Variants in MIA3 observed in about 807,000 individuals in gnomAD.
MIA3 encodes the protein MIA SH3 domain ER export factor 3, also known as transport and Golgi organization protein 1 homolog.
MIA3 carries 90 observed loss-of-function variants against 192.4 expected under a neutral mutation model. That is an observed-to-expected ratio of 0.47 (90% CI 0.39 to 0.56). MIA3 has a LOEUF of 0.56. Ranked by LOEUF, MIA3 falls within the 20% of genes least tolerant of loss-of-function variation. The pLI, the probability that MIA3 is intolerant of heterozygous loss-of-function variation, is 0.00. For missense variants in MIA3, 2,123 were observed against 2,269.4 expected (o/e 0.94, Z 1.31); for synonymous variants, 740 against 792.8 (o/e 0.93, Z 1.12).
chr1:222,656,513 T>A (rs928223578), intron 18 of MIA3, among the ~76,000 whole-genome samples: 2 of 152,132 alleles, frequency 1.3e-5, no homozygotes, highest in Admixed American at 1.3e-4. Context: ...CTGCCTTTCG[T>A]CATTTTCTTT....
Position 222,660,449 on chromosome 1 carries a change from GATTCAACTGCAAGT to G in MIA3, c.5113+149_5113+162del, listed in dbSNP as rs1663955081. On this transcript the variant is annotated intron_variant, in intron 24 of 27. Transcript: ENST00000344922. ...GAAAATTTCTTAATTTGTCTTGGTGGATTCAACTGCAAGTATTCAACTGCAAGATTTGCTTTAGA... is the reference window on the plus strand; with the variant it reads ...GAAAATTTCTTAATTTGTCTTGGTGGATTCAACTGCAAGATTTGCTTTAGA... 8.8e-6 allele frequency: 6 copies of G among 683,222 alleles called. No homozygotes were observed. The East Asian group carries it at 1.6e-4, about 18-fold the overall frequency. The allele number at this position is 683,222 out of a possible 1,614,324, so 42.3% of individuals were successfully genotyped here.
At position 222,652,269 on chromosome 1, in the gene MIA3, G is replaced by A. The variant is rs1234445743; in HGVS notation, c.4023G>A (p.Lys1341=). 6.2e-7 allele frequency: 1 copy of A among 1,613,764 alleles called. No homozygotes were observed. Among genetic ancestry groups the A allele is most frequent in the Admixed American group, 1.7e-5 (1 of 59,996 alleles). ...ALNEAKLSEE[K]VKSECHRVQE... is the part of the protein sequence containing the mutation. ...ATGAAGCTAAGCTTAGTGAAGAGAAGGTGAAGTCTGAATGCCATCGGGTTC... is the reference window on the plus strand; with the variant it reads ...ATGAAGCTAAGCTTAGTGAAGAGAAAGTGAAGTCTGAATGCCATCGGGTTC... Residue 1341 remains lysine (K), a synonymous_variant, in exon 13 of 28, where the codon AAG becomes AAA. Transcript: ENST00000344922.
At chr1:222,644,772 TC>T (rs1288383438) in intron 6 of MIA3, among the ~76,000 whole-genome samples, 1 of 146,802 alleles carries the variant, frequency 6.8e-6, no homozygotes, top group Non-Finnish European at 1.5e-5. Flanking sequence ...GTTTCGTCAC[TC>T]TTTTTTTTTT....
In MIA3 at chr1:222,628,757, G is replaced by T. The variant is rs1454057022; in HGVS notation, c.1537G>T (p.Gly513Cys). ...CAACTCTATGCCAGCTGCTGAAAAG[G>T]GTAAAGACACATTAAAATCAGCTTA... is the stretch of plus-strand genomic sequence containing the variant. ...NLNSMPAAEK[G>C]KDTLKSAYDD... Residue 513 changes from glycine to cysteine, a missense_variant, in exon 4 of 28, where the codon GGT becomes TGT. Gly to Cys is a radical substitution (Grantham distance 159). Transcript: ENST00000344922. The T allele has an allele frequency of 1.9e-6, 3 of 1,613,952 alleles. No individual in the cohort carries two copies. Among genetic ancestry groups the T allele is most frequent in the Admixed American group, 3.3e-5 (2 of 60,002 alleles).
At chr1:222,655,358 C>T (rs746320604) in intron 18 of MIA3, among the ~76,000 whole-genome samples, 13 of 152,102 alleles carry the variant, frequency 8.5e-5, no homozygotes, top group Non-Finnish European at 1.6e-4. Flanking sequence ...TCTCAAATTT[C>T]GAGCGAGGTA....
Position 222,645,706 on chromosome 1 carries a change from T to G in MIA3, c.3609+21T>G, listed in dbSNP as rs528060320. ...TTGTTGTGAGTAAATTAATGCATAC[T>G]TTAACTCATAAATTCAAGTATGGTT... On this transcript the variant is annotated intron_variant, in intron 7 of 27. Coordinates refer to ENST00000344922, the MANE Select transcript of MIA3 (RefSeq NM_198551.4). 3.7e-5 allele frequency: 60 copies of G among 1,602,790 alleles called. No homozygotes were observed. In the South Asian group the frequency reaches 6.6e-4, roughly 18 times the overall value.
chr1:222,659,077 T>A (rs1663877606), intron 19 of MIA3: 1 of 436,370 alleles, frequency 2.3e-6, no homozygotes, highest in African/African-American at 2.0e-5. Context: ...ATATGATGTA[T>A]CAAAAGCCAT....
intron 11 of MIA3, 54 bp downstream of exon 11, chr1:222,650,957 T>A: frequency 9.6e-7 from 1 of 1,037,902 alleles, no homozygotes; most frequent in Non-Finnish European, 1.5e-6. Flanking sequence ...AACTCTTTTG[T>A]AGATTGAGTT....
At chr1:222,641,486 G>A (rs1662849718) in intron 6 of MIA3, 1 of 499,640 alleles carries the variant, frequency 2.0e-6, no homozygotes, top group Non-Finnish European at 4.0e-6. Flanking sequence ...TCATTTCCAT[G>A]ACAGCATGGT....
intron 3 of MIA3, 62 bp from the exon 4 acceptor site, chr1:222,627,513 A>C: frequency 7.5e-7 from 1 of 1,339,670 alleles, no homozygotes; most frequent in Non-Finnish European, 1.0e-6. Context: ...ATTAACGTGG[A>C]TAAGACTTTG....
intron 18 of MIA3, 88 bp downstream of exon 18, chr1:222,654,881 A>T (rs1663634910): frequency 2.6e-5 from 31 of 1,173,220 alleles, no homozygotes; most frequent in Non-Finnish European, 3.2e-5. Flanking sequence ...GTTTTTCAGG[A>T]TTGTACTCTT....
In MIA3 at chr1:222,645,699, T is replaced by C. The variant is rs1365711969; in HGVS notation, c.3609+14T>C. On this transcript the variant is annotated intron_variant, in intron 7 of 27. Transcript: ENST00000344922. ...ACTGTCCTTGTTGTGAGTAAATTAATGCATACTTTAACTCATAAATTCAAG... is the reference window on the plus strand; with the variant it reads ...ACTGTCCTTGTTGTGAGTAAATTAACGCATACTTTAACTCATAAATTCAAG... The C allele has an allele frequency of 6.2e-7, 1 of 1,610,248 alleles. No homozygotes were observed. Among genetic ancestry groups the C allele is most frequent in the Non-Finnish European group, 8.5e-7 (1 of 1,177,838 alleles).
Position 222,650,303 on chromosome 1 carries a change from C to G in MIA3, c.3643C>G (p.Gln1215Glu), listed in dbSNP as rs1663358175. ...TTTTCTTTTTTCAGTCACGGAACAG[C>G]AAATTTCTGAGAAGTTGAAGACTAT... ...KDRVYQVTEQ[Q>E]ISEKLKTIMK... The change falls in exon 9 of 28, where the codon CAA (glutamine) becomes GAA (glutamate). Residue 1215 changes from glutamine to glutamate, a missense_variant. Gln to Glu is a conservative substitution (Grantham distance 29). This residue lies in a region of MIA3 where 762 missense variants were observed against 856.4 expected (regional missense o/e 0.89). Transcript: ENST00000344922. 1 of 1,602,534 alleles carries G rather than the reference C, an allele frequency of 6.2e-7. No individual in the cohort carries two copies. The highest frequency in any genetic ancestry group is 2.2e-5 in the East Asian group (1 of 44,644).
At chr1:222,648,959 T>G (rs747139885) in intron 8 of MIA3, 109 bp downstream of exon 8, 1 of 728,326 alleles carries the variant, frequency 1.4e-6, no homozygotes, top group African/African-American at 1.8e-5. Flanking sequence ...GACTGACTTA[T>G]AGCTTCTGAA....
chr1:222,664,705 G>A (rs986889820), intron 27 of MIA3, among the ~76,000 whole-genome samples: 2 of 152,256 alleles, frequency 1.3e-5, no homozygotes, highest in East Asian at 1.9e-4. Flanking sequence ...AGCAGGGCAA[G>A]CACCTTAATT....
Position 222,644,418 on chromosome 1 carries a change from C to T in MIA3, c.3478-1136C>T, listed in dbSNP as rs921879315. On this transcript the variant is annotated intron_variant, in intron 6 of 27. Transcript: ENST00000344922. Reference sequence around the variant, plus strand: ...TTCCGGAGGAGGAAGCTCTGAAAAACAGGGGGCCCAGTGCCATTCCGCAGG... The same window carrying T: ...TTCCGGAGGAGGAAGCTCTGAAAAATAGGGGGCCCAGTGCCATTCCGCAGG... 5.6e-5 allele frequency: 86 copies of T among 1,545,416 alleles called. 1 individual carries two copies. The Middle Eastern group carries it at 6.7e-4, about 12-fold the overall frequency.
chr1:222,627,194 C>T (rs1413109902), intron 3 of MIA3, among the ~76,000 whole-genome samples: 1 of 152,204 alleles, frequency 6.6e-6, no homozygotes, highest in East Asian at 1.9e-4. Context: ...CAGTCACAGA[C>T]AGAGCTATCC....
chr1:222,624,501 A>G lies in MIA3; in HGVS notation c.268-267A>G, dbSNP rs1257837599. On this transcript the variant is annotated intron_variant, in intron 2 of 27. Transcript: ENST00000344922. Reference sequence around the variant, plus strand: ...AGTTCATCTCTCCAGTAAATTGTACAGTGAGTAAAAAGTGATCTCTTGTGG... The same window carrying G: ...AGTTCATCTCTCCAGTAAATTGTACGGTGAGTAAAAAGTGATCTCTTGTGG... Among the ~76,000 whole-genome samples the G allele has an allele frequency of 2.0e-5, 3 of 152,336 alleles. No homozygotes were observed. The East Asian group carries it at 5.8e-4, about 29-fold the overall frequency.
chr1:222,667,762 G>A lies in MIA3; in HGVS notation c.*2143G>A, dbSNP rs1664353488. ...CCATCTCTAAAGTTTCATCTATTTT[G>A]GAAGTCATCTCCAACTAATTGTGTC... On this transcript the variant is annotated 3_prime_UTR_variant, in exon 28 of 28. Coordinates refer to ENST00000344922, the MANE Select transcript of MIA3 (RefSeq NM_198551.4). The A allele has an allele frequency of 6.6e-6, 1 of 152,110 alleles. No individual in the cohort carries two copies. The highest frequency in any genetic ancestry group is 2.4e-5 in the African/African-American group (1 of 41,416). The allele number at this position is 152,110 out of a possible 1,614,324, so 9.4% of individuals were successfully genotyped here.
Sources: allele counts gnomAD v4.1 joint callset (sites outside exome capture counted in the v4.1 genomes callset), GRCh38; gene constraint gnomAD v4.1.1; regional missense constraint gnomAD v4.1.1; transcripts MANE v1.5; gene names NCBI Gene and HGNC (gene_info 2026-07-23, HGNC 2026-07-21).